The following PKHD1L1 variants were observed in gnomAD, a reference collection of about 807,000 sequenced individuals.
PKHD1L1 encodes the protein PKHD1 like 1.
A neutral mutation model predicts 462.9 loss-of-function variants in PKHD1L1; 434 were observed. The observed-to-expected ratio is 0.94, with a 90% CI of 0.87 to 1.02. The LOEUF is 1.02. PKHD1L1 is among the 50% of genes least tolerant of loss of function. The pLI is 0.00. For missense variants in PKHD1L1, 5,202 were observed against 5,096.1 expected, an observed-to-expected ratio of 1.02 and a Z score of -0.63; for synonymous variants, 1,781 against 1,750.0, an observed-to-expected ratio of 1.02 and a Z score of -0.44.
chr8:109,426,834 G>T (rs934808477), intron 24 of PKHD1L1, among the ~76,000 whole-genome samples, 168 bp from the exon 25 acceptor site: 4 of 152,110 alleles, frequency 2.6e-5, no homozygotes, highest in African/African-American at 9.7e-5. Flanking sequence ...TGTATTTTTA[G>T]TAGAGACGGG....
At chr8:109,484,578 G>T (rs1664391796) in intron 57 of PKHD1L1, among the ~76,000 whole-genome samples, 1 of 151,856 alleles carries the variant, frequency 6.6e-6, no homozygotes, top group Non-Finnish European at 1.5e-5. Context: ...TGACAAGGAG[G>T]AGCTCAATAT....
At chr8:109,398,425 A>T (rs748742984) in intron 11 of PKHD1L1, 34 bp from the exon 12 acceptor site, 10 of 1,270,284 alleles carry the variant, frequency 7.9e-6, no homozygotes, top group Non-Finnish European at 4.5e-6. Flanking sequence ...CTGAAGTTTC[A>T]GTAGTAACGG....
intron 76 of PKHD1L1, among the ~76,000 whole-genome samples, chr8:109,525,739 C>T (rs1178499665): frequency 6.6e-6 from 1 of 152,012 alleles, no homozygotes. Context: ...ATTCACCTGC[C>T]ACAAAAATTC....
intron 27 of PKHD1L1, among the ~76,000 whole-genome samples, chr8:109,432,307 T>A (rs1250171775): frequency 6.6e-6 from 1 of 152,176 alleles, no homozygotes. Context: ...TCCATTATGG[T>A]CAACCCCATG....
Position 109,452,840 on chromosome 8 carries a change from A to G in PKHD1L1, c.6630A>G (p.Gln2210=). 3 of 1,517,902 alleles carry G rather than the reference A, an allele frequency of 2.0e-6. No homozygotes were observed. Among genetic ancestry groups the G allele is most frequent in the Non-Finnish European group, 2.6e-6 (3 of 1,135,508 alleles). The allele number at this position is 1,517,902 out of a possible 1,614,324, so 94.0% of individuals were successfully genotyped here. A position where few individuals can be genotyped will look rare whatever the true frequency, so the allele number is the denominator to read the frequency against. ...ITKGQTILLD[Q]STPILKMLLI... is the part of the protein sequence containing the mutation. Reference sequence around the variant, plus strand: ...AAGGACAGACCATTCTGCTGGATCAAAGCACCCCTATTTTGAAAATGTTGC... The same window carrying G: ...AAGGACAGACCATTCTGCTGGATCAGAGCACCCCTATTTTGAAAATGTTGC... The change falls in exon 43 of 78, where the codon CAA becomes CAG. Residue 2210 remains glutamine, a synonymous_variant. Coordinates refer to ENST00000378402, the MANE Select transcript of PKHD1L1 (RefSeq NM_177531.6).
At chr8:109,422,514 A>G (rs563753443) in intron 23 of PKHD1L1, among the ~76,000 whole-genome samples, 41 of 152,306 alleles carry the variant, frequency 2.7e-4, no homozygotes, top group Non-Finnish European at 4.4e-4. Context: ...TTTTTAACTC[A>G]GCATAATTCC....
chr8:109,497,500 T>A (rs1819167961), intron 65 of PKHD1L1, among the ~76,000 whole-genome samples: 1 of 150,650 alleles, frequency 6.6e-6, no homozygotes, highest in Non-Finnish European at 1.5e-5. Context: ...TGGCACAATT[T>A]CGGCTCACTG....
At chr8:109,489,755 T>G (rs901996443) in intron 59 of PKHD1L1, among the ~76,000 whole-genome samples, 197 bp from the exon 60 acceptor site, 1 of 151,752 alleles carries the variant, frequency 6.6e-6, no homozygotes, top group Admixed American at 6.6e-5. Context: ...TGCAGGCTAT[T>G]AGGAAAAAAA....
At chr8:109,476,424 G>C in intron 51 of PKHD1L1, 84 bp from the exon 52 acceptor site, 1 of 902,044 alleles carries the variant, frequency 1.1e-6, no homozygotes, top group Middle Eastern at 3.5e-4. Flanking sequence ...ACATAATATA[G>C]GGGCTAATTA....
chr8:109,455,809 A>G (rs1374153369), intron 45 of PKHD1L1, among the ~76,000 whole-genome samples: 2 of 152,164 alleles, frequency 1.3e-5, no homozygotes, highest in East Asian at 1.9e-4. Flanking sequence ...TACCATAAAC[A>G]TGATACCTTA....
chr8:109,468,202 G>A (rs1373687868), intron 50 of PKHD1L1, among the ~76,000 whole-genome samples: 1 of 152,092 alleles, frequency 6.6e-6, no homozygotes, highest in Non-Finnish European at 1.5e-5. Flanking sequence ...AGGACATGCT[G>A]GAATTTTGTT....
chr8:109,529,600 T>C (rs1426412172), intron 77 of PKHD1L1, among the ~76,000 whole-genome samples: 2 of 152,144 alleles, frequency 1.3e-5, no homozygotes, highest in Non-Finnish European at 2.9e-5. Context: ...AATTCTATTC[T>C]CAAAGAATTA....
intron 9 of PKHD1L1, among the ~76,000 whole-genome samples, chr8:109,394,144 A>T (rs1226985540): frequency 7.1e-6 from 1 of 139,874 alleles, no homozygotes; most frequent in African/African-American, 2.8e-5. Flanking sequence ...ACTGCACTCC[A>T]GCCTGGCAAC....
chr8:109,397,505 T>C (rs1813038718), intron 11 of PKHD1L1, among the ~76,000 whole-genome samples: 1 of 150,904 alleles, frequency 6.6e-6, no homozygotes, highest in Non-Finnish European at 1.5e-5. Context: ...GAGAGATCTG[T>C]CTCTACAAAA....
chr8:109,417,566 T>C (rs1315636507), intron 21 of PKHD1L1, among the ~76,000 whole-genome samples: 1 of 152,146 alleles, frequency 6.6e-6, no homozygotes, highest in African/African-American at 2.4e-5. Flanking sequence ...TCTTTTGAGA[T>C]GGAGTCTCAC....
intron 36 of PKHD1L1, 79 bp downstream of exon 36, chr8:109,443,195 A>G (rs974296624): frequency 7.6e-7 from 1 of 1,321,682 alleles, no homozygotes; most frequent in Non-Finnish European, 1.1e-6. Context: ...GGTAGCAGAT[A>G]ACTGGGTCTA....
rs752066542 is a variant in PKHD1L1 at position 109,408,154 on chromosome 8, AT to A, written c.1921del (p.Trp641GlyfsTer43). ...CCCAACTTGGAGACATTCACACTGA[AT>A]TGGGATGGGATCGCTTCTAAGCCAC... ...GKPNLETFTL[N>X]WDGIASKPLT... On this transcript the variant is annotated frameshift_variant, in exon 18 of 78. Coordinates refer to ENST00000378402, the MANE Select transcript of PKHD1L1 (RefSeq NM_177531.6). LOFTEE classifies it high-confidence loss of function. 1.8e-5 allele frequency: 29 copies of A among 1,613,186 alleles called. No individual in the cohort carries two copies. The highest frequency in any genetic ancestry group is 2.4e-5 in the Non-Finnish European group (28 of 1,179,416).
chr8:109,427,010 G>A lies in PKHD1L1; in HGVS notation c.2854G>A (p.Ala952Thr), dbSNP rs374191631. The change falls in exon 25 of 78, where the codon GCT becomes ACT. Residue 952 changes from alanine (A) to threonine (T), a missense_variant. This residue lies in a region of PKHD1L1 where 4,497 missense variants were observed against 4,336.8 expected (regional missense o/e 1.04). Coordinates refer to ENST00000378402, the MANE Select transcript of PKHD1L1 (RefSeq NM_177531.6). The part of the protein sequence containing the change: ...AYGHILKGLP[A>T]AVSAADLQFA... ...CCCCTCTGTGAGTGCAGGCCTCCCC[G>A]CTGCTGTGTCAGCTGCAGATCTGCA... 2.5e-5 allele frequency: 39 copies of A among 1,555,098 alleles called. No homozygotes were observed. The highest frequency in any genetic ancestry group is 8.1e-5 in the African/African-American group (6 of 73,822).
At chr8:109,379,518 A>G (rs901693275) in intron 2 of PKHD1L1, among the ~76,000 whole-genome samples, 3 of 152,192 alleles carry the variant, frequency 2.0e-5, no homozygotes, top group Non-Finnish European at 2.9e-5. Flanking sequence ...TTGGGGAAAA[A>G]CATCCTGTGG....
Sources: allele counts gnomAD v4.1 joint callset (sites outside exome capture counted in the v4.1 genomes callset), GRCh38; gene constraint gnomAD v4.1.1; regional missense constraint gnomAD v4.1.1; transcripts MANE v1.5; gene names NCBI Gene and HGNC (gene_info 2026-07-23, HGNC 2026-07-21).